MACF1: variants seen among roughly 807,000 people sequenced by gnomAD.
The protein encoded by MACF1 is microtubule-actin cross-linking factor 1.
A neutral mutation model predicts 854.8 loss-of-function variants in MACF1; 193 were observed. The observed-to-expected ratio is 0.23, with a 90% CI of 0.20 to 0.25. The LOEUF (loss-of-function observed/expected upper bound fraction) is 0.25. Ranked by LOEUF, MACF1 falls within the 10% of genes least tolerant of loss-of-function variation. The pLI, the probability that MACF1 is intolerant of heterozygous loss-of-function variation, is 1.00. For synonymous variants in MACF1, 3,185 were observed against 3,226.7 expected (o/e 0.99, Z 0.44); for missense variants, 7,722 against 8,929.1 (o/e 0.86, Z 5.45).
intron 80 of MACF1, 94 bp downstream of exon 80, chr1:39,444,929 A>AG: frequency 1.7e-6 from 2 of 1,169,476 alleles, no homozygotes; most frequent in Non-Finnish European, 2.4e-6. Context: ...TTTGAAGACC[A>AG]GGGTATTGTA....
At chr1:39,455,550 A>G (rs951335654) in intron 89 of MACF1, among the ~76,000 whole-genome samples, 2 of 152,196 alleles carry the variant, frequency 1.3e-5, no homozygotes, top group Admixed American at 6.6e-5. Flanking sequence ...AATGTAATGA[A>G]GAATGAAATG....
chr1:39,254,259 G>A, intron 4 of MACF1, 39 bp from the exon 5 acceptor site: 1 of 1,524,284 alleles, frequency 6.6e-7, no homozygotes, highest in Non-Finnish European at 9.1e-7. Context: ...GTTAAATTGT[G>A]TAGCCAGAAT....
chr1:39,213,330 T>A (rs560295015), intron 1 of MACF1, among the ~76,000 whole-genome samples: 8 of 152,276 alleles, frequency 5.3e-5, no homozygotes, highest in African/African-American at 1.7e-4. Context: ...TCAGATAATT[T>A]ATTTTTTTAT....
chr1:39,280,787 A>G (rs563355097), intron 6 of MACF1, among the ~76,000 whole-genome samples: 2 of 152,096 alleles, frequency 1.3e-5, no homozygotes, highest in East Asian at 3.9e-4. Context: ...CATGTCGGCC[A>G]GGCTGGTCTC....
intron 18 of MACF1, 72 bp from the exon 19 acceptor site, chr1:39,294,974 C>A: frequency 8.9e-7 from 1 of 1,124,062 alleles, no homozygotes; most frequent in Non-Finnish European, 1.3e-6. Context: ...ATAGGGAACA[C>A]AGCTTTTATT....
chr1:39,372,578 G>A lies in MACF1; in HGVS notation c.13195G>A (p.Asp4399Asn), dbSNP rs1034641454. The change falls in exon 52 of 101, where the codon GAT (aspartate) becomes AAT (asparagine). Residue 4399 changes from aspartate to asparagine, a missense_variant. This residue lies in a region of MACF1 where 2,807 missense variants were observed against 3,235.8 expected (regional missense o/e 0.87). Coordinates refer to ENST00000564288, the MANE Select transcript of MACF1 (RefSeq NM_001394062.1). ...ENLIMEITAP[D>N]SQGKTGSILP... Reference sequence around the variant, plus strand: ...TCTCATCATGGAAATCACAGCACCTGATTCCCAAGGCAAGACAGGTGAGTA... The same window carrying A: ...TCTCATCATGGAAATCACAGCACCTAATTCCCAAGGCAAGACAGGTGAGTA... 4 of 1,612,024 alleles carry A rather than the reference G, an allele frequency of 2.5e-6. No individual in the cohort carries two copies. Among genetic ancestry groups the A allele is most frequent in the Admixed American group, 1.7e-5 (1 of 59,982 alleles).
At chr1:39,428,696 T>G (rs2148647545) in intron 63 of MACF1, among the ~76,000 whole-genome samples, 1 of 152,354 alleles carries the variant, frequency 6.6e-6, no homozygotes, top group South Asian at 2.1e-4. Context: ...ATTTCTGGAT[T>G]TGTTCAAATT....
Position 39,387,313 on chromosome 1 carries a change from C to T in MACF1, c.14471C>T (p.Ala4824Val), listed in dbSNP as rs143660961. The T allele has an allele frequency of 1.7e-4, 273 of 1,614,162 alleles. No individual in the cohort carries two copies. The highest frequency in any genetic ancestry group is 1.3e-3 in the Middle Eastern group (8 of 6,062). Reference sequence around the variant, plus strand: ...CAAGCAAAAAACTGCCCAATTTCTGCAAAATTGGAGCGGCTACAGTCTCAG... The same window carrying T: ...CAAGCAAAAAACTGCCCAATTTCTGTAAAATTGGAGCGGCTACAGTCTCAG... Reference protein sequence around the residue: ...SQQAKNCPISAKLERLQSQLQ... With the variant: ...SQQAKNCPISVKLERLQSQLQ... Residue 4824 changes from alanine to valine, a missense_variant, in exon 58 of 101, where the codon GCA (alanine) becomes GTA (valine). Transcript: ENST00000564288.
At chr1:39,259,931 CT>C (rs1443728730) in intron 6 of MACF1, among the ~76,000 whole-genome samples, 1 of 152,146 alleles carries the variant, frequency 6.6e-6, no homozygotes, top group Non-Finnish European at 1.5e-5. Flanking sequence ...GAAACATTTC[CT>C]TGAAGCATTT....
At chr1:39,456,059 C>A (rs565425100) in intron 89 of MACF1, among the ~76,000 whole-genome samples, 3 of 152,292 alleles carry the variant, frequency 2.0e-5, no homozygotes, top group Admixed American at 1.3e-4. Context: ...AGAGGCCAGG[C>A]GTGGTGGCTC....
rs1025711892 is a variant in MACF1 at position 39,372,530 on chromosome 1, T to A, written c.13147T>A (p.Cys4383Ser). The A allele has an allele frequency of 1.9e-6, 3 of 1,613,790 alleles. No homozygotes were observed. The highest frequency in any genetic ancestry group is 2.7e-5 in the African/African-American group (2 of 74,916). ...SKGTLVEEIN[C>S]KGTSLENLIM... ...GGGAACTCTGGTGGAAGAAATCAAT[T>A]GCAAAGGTACTTCTTTAGAAAATCT... The change falls in exon 52 of 101, where the codon TGC becomes AGC. Residue 4383 changes from cysteine (C) to serine (S), a missense_variant. Physicochemically the swap from Cys to Ser is moderately radical, Grantham distance 112. Around this residue, in one of 15 missense-constraint regions of MACF1, gnomAD observed 2,807 missense variants for 3,235.8 expected, o/e 0.87. Transcript: ENST00000564288.
intron 14 of MACF1, 32 bp from the exon 15 acceptor site, chr1:39,287,254 A>G: frequency 1.2e-6 from 2 of 1,604,696 alleles, no homozygotes; most frequent in Non-Finnish European, 1.7e-6. Flanking sequence ...ATAGATTTAA[A>G]TCCTTTCCTT....
At chr1:39,276,283 C>A in intron 6 of MACF1, among the ~76,000 whole-genome samples, 1 of 152,014 alleles carries the variant, frequency 6.6e-6, no homozygotes, top group Admixed American at 6.6e-5. Context: ...ATGAGGTCAG[C>A]TAGAAACTTG....
At chr1:39,369,487 G>A (rs915756981) in intron 50 of MACF1, among the ~76,000 whole-genome samples, 4 of 152,174 alleles carry the variant, frequency 2.6e-5, no homozygotes, top group Non-Finnish European at 4.4e-5. Flanking sequence ...CCTTTTTACT[G>A]TATGAGGAAT....
rs1015857394 is a variant in MACF1, at chr1:39,409,047, A to G, written c.15817-13327A>G. ...GCGGCGCAGCGCGGCGGCGCGGGGA[A>G]GGGGGAGGAGAGCCGCCCGCCAGCC... On this transcript the variant is annotated intron_variant, in intron 58 of 100. Coordinates refer to ENST00000564288, the MANE Select transcript of MACF1 (RefSeq NM_001394062.1). The surrounding 1 kb of genome is among the most constrained non-coding windows in gnomAD (Gnocchi z 4.2). Among the ~76,000 whole-genome samples the G allele has an allele frequency of 5.9e-4, 88 of 149,858 alleles. 1 individual carries two copies. The highest frequency in any genetic ancestry group is 1.1e-3 in the Non-Finnish European group (76 of 67,256).
At chr1:39,298,985 C>T (rs1645983380) in intron 21 of MACF1, among the ~76,000 whole-genome samples, 2 of 152,120 alleles carry the variant, frequency 1.3e-5, no homozygotes, top group Non-Finnish European at 2.9e-5. Flanking sequence ...CCTGGGTCTG[C>T]TCCTCAGCTT....
chr1:39,424,226 A>G, intron 61 of MACF1, 32 bp downstream of exon 61: 8 of 1,594,788 alleles, frequency 5.0e-6, no homozygotes, highest in Non-Finnish European at 6.9e-6. Context: ...GGAGTGGGTC[A>G]GAGGTTTGTT....
chr1:39,086,320 G>A (rs973853819), intron 2 of MACF1, among the ~76,000 whole-genome samples: 1 of 152,224 alleles, frequency 6.6e-6, no homozygotes, highest in Non-Finnish European at 1.5e-5. Context: ...GAGGGAATGA[G>A]CTCCAAGTGA....
chr1:39,281,420 A>T (rs1239969250), intron 6 of MACF1, among the ~76,000 whole-genome samples: 1 of 150,850 alleles, frequency 6.6e-6, no homozygotes, highest in Non-Finnish European at 1.5e-5. Context: ...TTACTATATT[A>T]TTTTGTTTAT....
Sources: allele counts gnomAD v4.1 joint callset (sites outside exome capture counted in the v4.1 genomes callset), GRCh38; gene constraint gnomAD v4.1.1; regional missense constraint gnomAD v4.1.1; non-coding constraint Gnocchi (gnomAD v3.1); transcripts MANE v1.5; gene names NCBI Gene and HGNC (gene_info 2026-07-23, HGNC 2026-07-21).